STXBP5L: variants seen among roughly 807,000 people sequenced by gnomAD.
STXBP5L encodes the protein syntaxin-binding protein 5-like.
Under a neutral mutation model 144.5 loss-of-function variants are expected in STXBP5L, and 65 were observed. That is an observed-to-expected ratio of 0.45 (90% CI 0.37 to 0.55). The LOEUF (loss-of-function observed/expected upper bound fraction) is 0.55, where lower values mean the gene tolerates loss of function less well. STXBP5L is among the 20% of genes least tolerant of loss of function. STXBP5L has a pLI of 0.00. For synonymous variants in STXBP5L, 505 were observed against 469.6 expected (o/e 1.08, Z -0.97); for missense variants, 1,298 against 1,405.5 (o/e 0.92, Z 1.22).
chr3:121,050,982 A>C (rs1464558672), intron 5 of STXBP5L, among the ~76,000 whole-genome samples: 38 of 151,998 alleles, frequency 2.5e-4, no homozygotes, highest in African/African-American at 5.5e-4. Context: ...TCAAAAGAGA[A>C]AAAGAAGGCC....
At chr3:121,107,948 C>A (rs1165003757) in intron 5 of STXBP5L, among the ~76,000 whole-genome samples, 1 of 152,020 alleles carries the variant, frequency 6.6e-6, no homozygotes, top group Admixed American at 6.6e-5. Context: ...TAGCTGTATT[C>A]CTAGTTATTT....
intron 3 of STXBP5L, among the ~76,000 whole-genome samples, chr3:120,965,549 G>A (rs923429341): frequency 6.6e-6 from 1 of 152,124 alleles, no homozygotes; most frequent in African/African-American, 2.4e-5. Context: ...TAGTTTGGCT[G>A]GATATGATAT....
intron 3 of STXBP5L, among the ~76,000 whole-genome samples, chr3:121,014,242 A>AT (rs1560001973): frequency 6.6e-6 from 1 of 151,994 alleles, no homozygotes; most frequent in Non-Finnish European, 1.5e-5. Context: ...GGACATTTTA[A>AT]TGATATTAAT....
At chr3:120,993,779 T>A (rs530884002) in intron 3 of STXBP5L, among the ~76,000 whole-genome samples, 7 of 152,196 alleles carry the variant, frequency 4.6e-5, no homozygotes, top group African/African-American at 1.7e-4. Flanking sequence ...CTTTTGCTAC[T>A]CAGGCTCTTT....
chr3:121,114,830 T>A (rs1321603372), intron 5 of STXBP5L, 95 bp from the exon 6 acceptor site: 1 of 749,464 alleles, frequency 1.3e-6, no homozygotes, highest in Non-Finnish European at 2.0e-6. Context: ...ATTTTATTAT[T>A]TATATAGCTA....
chr3:121,404,681 G>C (rs1188001598), intron 22 of STXBP5L, among the ~76,000 whole-genome samples: 2 of 152,096 alleles, frequency 1.3e-5, no homozygotes, highest in Non-Finnish European at 2.9e-5. Context: ...AATAAAGTTA[G>C]GTTGCCAGTT....
In STXBP5L at chr3:121,222,868, T is replaced by A. The variant is rs1312924171; in HGVS notation, c.957-135T>A. On this transcript the variant is annotated intron_variant, in intron 10 of 26. Transcript: ENST00000471454. ...ATAGTAGGTTATTGAATGAGAAATTTTGAGCCGGGCAAGTTTTTTGCTGTC... is the reference window on the plus strand; with the variant it reads ...ATAGTAGGTTATTGAATGAGAAATTATGAGCCGGGCAAGTTTTTTGCTGTC... 3.5e-6 allele frequency: 3 copies of A among 857,018 alleles called. No homozygotes were observed. In the East Asian group the frequency reaches 8.7e-5, roughly 25 times the overall value. 53.1% of individuals were successfully genotyped at this position (857,018 alleles called of 1,614,324 possible).
chr3:121,391,583 C>T (rs1284433674), intron 22 of STXBP5L, among the ~76,000 whole-genome samples: 1 of 151,434 alleles, frequency 6.6e-6, no homozygotes, highest in African/African-American at 2.4e-5. Flanking sequence ...TGTAGATGAC[C>T]TTTTTGTTGA....
rs11920378 is a variant in STXBP5L at position 120,936,739 on chromosome 3, A to G, written c.190-18201A>G. 7.9e-3 allele frequency among the ~76,000 whole-genome samples: 1,199 copies of G among 151,978 alleles called. 19 individuals are homozygous for G. The highest frequency in any genetic ancestry group is 0.027 in the African/African-American group (1,120 of 41,440). On this transcript the variant is annotated intron_variant, in intron 2 of 26. Coordinates refer to ENST00000471454, the MANE Select transcript of STXBP5L (RefSeq NM_001308330.2). ...ATTCTCCTGCCTCAGCCTCCCAAGT[A>G]GCTGGGACTACTGGTGCCCACCACC...
intron 9 of STXBP5L, among the ~76,000 whole-genome samples, chr3:121,185,421 A>G (rs1482603382): frequency 6.6e-6 from 1 of 152,128 alleles, no homozygotes; most frequent in East Asian, 1.9e-4. Flanking sequence ...TAGGGTTTTT[A>G]TGGTTTTAGG....
At chr3:120,956,915 GA>G (rs1287472649) in intron 3 of STXBP5L, among the ~76,000 whole-genome samples, 1 of 151,874 alleles carries the variant, frequency 6.6e-6, no homozygotes, top group African/African-American at 2.4e-5. Context: ...CCAATGGAAT[GA>G]AGCTTTTACC....
intron 7 of STXBP5L, among the ~76,000 whole-genome samples, chr3:121,152,120 C>T (rs1342051287): frequency 6.6e-6 from 1 of 152,038 alleles, no homozygotes; most frequent in African/African-American, 2.4e-5. Flanking sequence ...GTGCATAGGA[C>T]TGAATGGCAT....
At chr3:121,281,115 G>A (rs1233554498) in intron 19 of STXBP5L, among the ~76,000 whole-genome samples, 1 of 151,834 alleles carries the variant, frequency 6.6e-6, no homozygotes, top group African/African-American at 2.4e-5. Flanking sequence ...ACATCCAAAT[G>A]TGATAATAAA....
intron 3 of STXBP5L, among the ~76,000 whole-genome samples, chr3:120,976,535 T>C (rs1941044873): frequency 2.0e-5 from 3 of 152,184 alleles, no homozygotes. Context: ...TTTTTATGTC[T>C]CTATCTCCTT....
chr3:120,981,413 C>G (rs1000184609), intron 3 of STXBP5L, among the ~76,000 whole-genome samples: 2 of 151,970 alleles, frequency 1.3e-5, no homozygotes, highest in Admixed American at 6.6e-5. Context: ...TTTTGTCTAA[C>G]TGGGTTAATT....
chr3:121,293,346 G>C (rs977233590), intron 19 of STXBP5L, among the ~76,000 whole-genome samples: 11 of 152,204 alleles, frequency 7.2e-5, no homozygotes, highest in Admixed American at 4.6e-4. Context: ...GGCTGGAAGA[G>C]AGGGTTACAA....
chr3:120,987,911 G>T lies in STXBP5L; in HGVS notation c.287+32874G>T, dbSNP rs182747527. On this transcript the variant is annotated intron_variant, in intron 3 of 26. Transcript: ENST00000471454. ...GTTAAATGTTTGGTAGAATTCTCTG[G>T]TGAAACCAACTGGGTCTGGAGATAA... Among the ~76,000 whole-genome samples, 331 of 151,792 alleles carry T rather than the reference G, an allele frequency of 2.2e-3. 1 individual carries two copies. The highest frequency in any genetic ancestry group is 0.01 in the Middle Eastern group (3 of 294).
At chr3:121,146,077 C>T (rs1016047748) in intron 7 of STXBP5L, among the ~76,000 whole-genome samples, 2 of 152,022 alleles carry the variant, frequency 1.3e-5, no homozygotes, top group African/African-American at 4.8e-5. Context: ...CTCTGGTTCT[C>T]AGGCCTTCAA....
chr3:121,108,541 AGCCTTGC>A (rs2043821320), intron 5 of STXBP5L, among the ~76,000 whole-genome samples: 2 of 152,208 alleles, frequency 1.3e-5, no homozygotes, highest in Admixed American at 6.5e-5. Context: ...TGTTGTTACC[AGCCTTGC>A]ATCCCGGGGA....
Sources: allele counts gnomAD v4.1 joint callset (sites outside exome capture counted in the v4.1 genomes callset), GRCh38; gene constraint gnomAD v4.1.1; transcripts MANE v1.5; gene names NCBI Gene and HGNC (gene_info 2026-07-23, HGNC 2026-07-21).